The following TMEFF2 variants were observed in gnomAD, a reference collection of about 807,000 sequenced individuals.
The protein encoded by TMEFF2 is transmembrane protein with EGF like and two follistatin like domains 2, also known as tomoregulin-2.
Under a neutral mutation model 53.8 loss-of-function variants are expected in TMEFF2, and 28 were observed. That is an observed-to-expected ratio of 0.52 (90% CI 0.39 to 0.71). The LOEUF (loss-of-function observed/expected upper bound fraction) is 0.71. TMEFF2 is among the 30% of genes least tolerant of loss of function. TMEFF2 has a pLI of 0.00. For synonymous variants in TMEFF2, 162 were observed against 166.3 expected, an observed-to-expected ratio of 0.97 and a Z score of 0.20; for missense variants, 353 against 455.2, an observed-to-expected ratio of 0.78 and a Z score of 2.04.
intron 7 of TMEFF2, among the ~76,000 whole-genome samples, chr2:191,961,586 C>T (rs1212269444): frequency 5.9e-5 from 9 of 152,112 alleles, no homozygotes; most frequent in Admixed American, 5.9e-4. Context: ...AAAAACTGTT[C>T]TGTTCTCCTT....
chr2:192,098,678 C>A (rs1446698773), intron 4 of TMEFF2, among the ~76,000 whole-genome samples: 1 of 152,134 alleles, frequency 6.6e-6, no homozygotes, highest in Non-Finnish European at 1.5e-5. Context: ...GCTAAATTGG[C>A]AGTTCAATAA....
intron 7 of TMEFF2, among the ~76,000 whole-genome samples, chr2:191,961,058 G>A (rs899198903): frequency 1.2e-4 from 19 of 152,104 alleles, no homozygotes; most frequent in East Asian, 1.2e-3. Flanking sequence ...GGAGAAAGAC[G>A]TAGAGAAATA....
chr2:192,118,742 T>C (rs1689476874), intron 4 of TMEFF2, among the ~76,000 whole-genome samples: 1 of 152,152 alleles, frequency 6.6e-6, no homozygotes, highest in African/African-American at 2.4e-5. Context: ...ATAAAGTAAG[T>C]AAATCTGAGC....
intron 4 of TMEFF2, among the ~76,000 whole-genome samples, chr2:192,156,460 C>T (rs371657768): frequency 2.0e-5 from 3 of 151,960 alleles, no homozygotes; most frequent in African/African-American, 7.2e-5. Context: ...AACCCAGAGT[C>T]TGGGTCCTTA....
chr2:192,077,379 T>TA (rs991619577), intron 4 of TMEFF2, among the ~76,000 whole-genome samples: 3 of 152,108 alleles, frequency 2.0e-5, no homozygotes, highest in Non-Finnish European at 2.9e-5. Context: ...GTATAATGTA[T>TA]AAAAAAACTC....
intron 5 of TMEFF2, among the ~76,000 whole-genome samples, chr2:192,002,038 T>TTA (rs59700508): frequency 0.24 from 35,549 of 147,756 alleles, 5,644 homozygotes; most frequent in East Asian, 0.44. Context: ...TTATTTATTA[T>TTA]TTTTCAGTTT....
chr2:192,037,336 A>AGAAAGGAAGGAAGG (rs1553515677), intron 5 of TMEFF2, among the ~76,000 whole-genome samples: 1 of 150,588 alleles, frequency 6.6e-6, no homozygotes, highest in African/African-American at 2.4e-5. Context: ...AAAGAAAGAA[A>AGAAAGGAAGGAAGG]AACAGAAAAC....
chr2:191,950,480 A>AAAGATGT, intron 9 of TMEFF2, 73 bp from the exon 10 acceptor site: 1 of 1,578,890 alleles, frequency 6.3e-7, no homozygotes, highest in Non-Finnish European at 8.7e-7. Context: ...ATCACAGAAT[A>AAAGATGT]AAGATGTGGA....
At chr2:192,162,930 T>C (rs1477688302) in intron 4 of TMEFF2, among the ~76,000 whole-genome samples, 3 of 152,176 alleles carry the variant, frequency 2.0e-5, no homozygotes, top group African/African-American at 4.8e-5. Flanking sequence ...CTTATTGATA[T>C]TCAGACATCA....
chr2:192,043,069 C>T (rs1056090693), intron 5 of TMEFF2, among the ~76,000 whole-genome samples: 4 of 152,206 alleles, frequency 2.6e-5, no homozygotes, highest in African/African-American at 9.6e-5. Flanking sequence ...TGGCAGTACT[C>T]GACTGCCAAA....
At chr2:192,187,563 G>A (rs1248581883) in intron 2 of TMEFF2, among the ~76,000 whole-genome samples, 1 of 152,060 alleles carries the variant, frequency 6.6e-6, no homozygotes, top group African/African-American at 2.4e-5. Flanking sequence ...ATGAAGGGAC[G>A]GACTCAGATG....
chr2:192,093,958 TC>T (rs1191226006), intron 4 of TMEFF2, among the ~76,000 whole-genome samples: 1 of 152,146 alleles, frequency 6.6e-6, no homozygotes, highest in Non-Finnish European at 1.5e-5. Flanking sequence ...GACACATGGA[TC>T]CATGTTGCTA....
chr2:192,053,766 A>G (rs6434533), intron 5 of TMEFF2, among the ~76,000 whole-genome samples: 121,582 of 152,080 alleles, frequency 0.8, 49,949 homozygotes, highest in Middle Eastern at 0.91. Flanking sequence ...CTATAGTCAG[A>G]TCACTCCGCT....
chr2:192,120,739 A>G (rs1035524430), intron 4 of TMEFF2, among the ~76,000 whole-genome samples: 1 of 151,672 alleles, frequency 6.6e-6, no homozygotes, highest in African/African-American at 2.4e-5. Context: ...TATTGAATAA[A>G]CATTTTTTTT....
intron 4 of TMEFF2, among the ~76,000 whole-genome samples, chr2:192,090,016 C>T (rs1471995492): frequency 6.6e-6 from 1 of 152,162 alleles, no homozygotes; most frequent in East Asian, 1.9e-4. Flanking sequence ...TGATGTTCTA[C>T]ATCATTCTAT....
intron 7 of TMEFF2, among the ~76,000 whole-genome samples, chr2:191,970,669 A>G (rs183744434): frequency 2.3e-4 from 35 of 152,238 alleles, no homozygotes; most frequent in African/African-American, 8.2e-4. Flanking sequence ...CTCCTCATTC[A>G]TGGTAATTTT....
At chr2:191,956,427 T>G (rs916048289) in intron 7 of TMEFF2, 49 bp from the exon 8 acceptor site, 6 of 1,588,948 alleles carry the variant, frequency 3.8e-6, no homozygotes, top group Non-Finnish European at 5.1e-6. Flanking sequence ...CTTAGCCTGG[T>G]AAGATCAACC....
intron 9 of TMEFF2, 84 bp from the exon 10 acceptor site, chr2:191,950,491 T>C (rs1269338616): frequency 2.6e-6 from 4 of 1,524,556 alleles, no homozygotes; most frequent in Non-Finnish European, 3.6e-6. Context: ...AAGATGTGGA[T>C]TAAGCAAATT....
At chr2:192,009,224 A>T (rs1250289249) in intron 5 of TMEFF2, among the ~76,000 whole-genome samples, 1 of 152,124 alleles carries the variant, frequency 6.6e-6, no homozygotes, top group Non-Finnish European at 1.5e-5. Flanking sequence ...CAGGGAGCTC[A>T]GAGATAAGCA....
Sources: allele counts gnomAD v4.1 joint callset (sites outside exome capture counted in the v4.1 genomes callset), GRCh38; gene constraint gnomAD v4.1.1; transcripts MANE v1.5; gene names NCBI Gene and HGNC (gene_info 2026-07-23, HGNC 2026-07-21).